The following CSMD3 variants were observed in gnomAD, a reference collection of about 807,000 sequenced individuals.
CSMD3 encodes the protein CUB and Sushi multiple domains 3, also known as CUB and sushi domain-containing protein 3.
Under a neutral mutation model 435.2 loss-of-function variants are expected in CSMD3, and 177 were observed. That is an observed-to-expected ratio of 0.41 (90% CI 0.36 to 0.46). The LOEUF (loss-of-function observed/expected upper bound fraction) is 0.46, where lower values mean the gene tolerates loss of function less well. CSMD3 is among the 20% of genes least tolerant of loss of function. The pLI is 0.34. For missense variants in CSMD3, 4,265 were observed against 4,504.6 expected (o/e 0.95, Z 1.52); for synonymous variants, 1,656 against 1,520.5 (o/e 1.09, Z -2.07).
chr8:112,252,089 G>C (rs1170233696), intron 63 of CSMD3, among the ~76,000 whole-genome samples: 1 of 151,784 alleles, frequency 6.6e-6, no homozygotes, highest in Non-Finnish European at 1.5e-5. Flanking sequence ...ACATTAAAGA[G>C]AAAATTAAGA....
Position 112,674,958 on chromosome 8 carries a change from CAT to C in CSMD3, c.2677+7482_2677+7483del, listed in dbSNP as rs2075740211. 2.0e-5 allele frequency among the ~76,000 whole-genome samples: 3 copies of C among 152,150 alleles called. No individual in the cohort carries two copies. The South Asian group carries it at 6.2e-4, about 32-fold the overall frequency. On this transcript the variant is annotated intron_variant, in intron 16 of 70. Coordinates refer to ENST00000297405, the MANE Select transcript of CSMD3 (RefSeq NM_198123.2). ...GATATACGGATTAGATAGATAAAGA[CAT>C]ATAGATCTCCCTAGCTTTTGCTGCT... is the stretch of plus-strand genomic sequence containing the variant.
chr8:112,518,629 T>TGTGTGA (rs774602764), intron 27 of CSMD3, among the ~76,000 whole-genome samples: 14 of 124,218 alleles, frequency 1.1e-4, no homozygotes, highest in African/African-American at 4.0e-4. Context: ...TGTGTGTGTG[T>TGTGTGA]GAGAGAGAGA....
chr8:113,095,446 T>G (rs548428075), intron 5 of CSMD3, among the ~76,000 whole-genome samples: 7 of 152,166 alleles, frequency 4.6e-5, no homozygotes, highest in Admixed American at 3.3e-4. Flanking sequence ...GCCTATCACC[T>G]ACAAAATTAC....
chr8:112,554,400 A>T (rs986740372), intron 25 of CSMD3, among the ~76,000 whole-genome samples: 19 of 152,126 alleles, frequency 1.2e-4, no homozygotes, highest in African/African-American at 4.3e-4. Context: ...TGTTATCACC[A>T]TTTATGGTTT....
intron 3 of CSMD3, among the ~76,000 whole-genome samples, chr8:113,241,103 T>C (rs988324241): frequency 6.6e-6 from 1 of 152,186 alleles, no homozygotes; most frequent in African/African-American, 2.4e-5. Context: ...ATTCAAGTAC[T>C]TTGTATTGCC....
intron 30 of CSMD3, among the ~76,000 whole-genome samples, chr8:112,503,035 C>T (rs1298018002): frequency 6.6e-6 from 1 of 152,154 alleles, no homozygotes; most frequent in Non-Finnish European, 1.5e-5. Flanking sequence ...TATTCTAAAA[C>T]ATTATAACTA....
At chr8:112,529,429 A>T (rs1825307187) in intron 27 of CSMD3, among the ~76,000 whole-genome samples, 1 of 152,082 alleles carries the variant, frequency 6.6e-6, no homozygotes. Context: ...CCCTACAAAA[A>T]GTACAAAAAT....
chr8:113,030,274 A>G (rs2087038353), intron 5 of CSMD3, among the ~76,000 whole-genome samples: 1 of 150,972 alleles, frequency 6.6e-6, no homozygotes, highest in Non-Finnish European at 1.5e-5. Flanking sequence ...TTAGAAAAAA[A>G]AAATCTAAAA....
chr8:113,322,464 G>A (rs1473015927), intron 1 of CSMD3, among the ~76,000 whole-genome samples: 1 of 151,984 alleles, frequency 6.6e-6, no homozygotes, highest in African/African-American at 2.4e-5. Flanking sequence ...ATTAAACATG[G>A]GTATTCGTGT....
intron 6 of CSMD3, chr8:113,018,726 T>G: frequency 3.6e-6 from 1 of 274,788 alleles, no homozygotes; most frequent in South Asian, 4.5e-5. Context: ...AGAAAGAGCG[T>G]ACATGCAACT....
chr8:113,383,049 G>A (rs1215517484), intron 1 of CSMD3, among the ~76,000 whole-genome samples: 1 of 152,138 alleles, frequency 6.6e-6, no homozygotes, highest in East Asian at 1.9e-4. Flanking sequence ...ACAGAGGATA[G>A]ATTTTTAAGG....
chr8:112,622,879 A>G (rs1834183452), intron 22 of CSMD3, among the ~76,000 whole-genome samples: 5 of 152,142 alleles, frequency 3.3e-5, no homozygotes, highest in South Asian at 2.1e-4. Flanking sequence ...CATACTTAAT[A>G]AATTTTCATT....
intron 6 of CSMD3, among the ~76,000 whole-genome samples, chr8:113,015,998 A>G (rs912370017): frequency 2.6e-5 from 4 of 151,972 alleles, no homozygotes; most frequent in Admixed American, 6.6e-5. Context: ...ATGGAGGAAC[A>G]ATAGTTTAAA....
At chr8:112,444,423 T>A (rs1815370996) in intron 32 of CSMD3, among the ~76,000 whole-genome samples, 1 of 152,192 alleles carries the variant, frequency 6.6e-6, no homozygotes, top group African/African-American at 2.4e-5. Flanking sequence ...CACAGTGATG[T>A]GGTTCAATAT....
At chr8:113,124,771 A>G (rs536933704) in intron 4 of CSMD3, among the ~76,000 whole-genome samples, 3 of 151,984 alleles carry the variant, frequency 2.0e-5, no homozygotes, top group African/African-American at 7.2e-5. Context: ...TTTGTTGTGT[A>G]AAGAATCTGT....
chr8:113,389,604 TA>T (rs1327070887), intron 1 of CSMD3, among the ~76,000 whole-genome samples: 1 of 151,752 alleles, frequency 6.6e-6, no homozygotes, highest in African/African-American at 2.4e-5. Flanking sequence ...AACTAAATTG[TA>T]AAAAGTTTAT....
chr8:113,000,524 G>A (rs971265655), intron 6 of CSMD3, among the ~76,000 whole-genome samples: 3 of 151,934 alleles, frequency 2.0e-5, no homozygotes, highest in Non-Finnish European at 2.9e-5. Context: ...TAATTAGCCC[G>A]ATTTAGTCAT....
chr8:112,990,273 C>T (rs1303566437), intron 6 of CSMD3, among the ~76,000 whole-genome samples: 1 of 151,950 alleles, frequency 6.6e-6, no homozygotes, highest in African/African-American at 2.4e-5. Context: ...CTGTGTTACG[C>T]CATATTGGAC....
intron 9 of CSMD3, among the ~76,000 whole-genome samples, chr8:112,932,988 T>C (rs934240382): frequency 1.3e-4 from 20 of 152,146 alleles, no homozygotes; most frequent in African/African-American, 4.8e-4. Context: ...ATAAAATATA[T>C]AAAAGTATTT....
Sources: gnomAD v4.1 joint callset for allele counts (sites outside exome capture counted in the v4.1 genomes callset) on GRCh38, gnomAD v4.1.1 for gene constraint, MANE v1.5 for transcripts, NCBI Gene and HGNC (gene_info 2026-07-23, HGNC 2026-07-21) for gene names.